PDE6D: variants seen among roughly 807,000 people sequenced by gnomAD.
PDE6D encodes phosphodiesterase 6D.
Under a neutral mutation model 21.9 loss-of-function variants are expected in PDE6D, and 10 were observed. The observed-to-expected ratio is 0.46, with a 90% confidence interval of 0.28 to 0.78. PDE6D has a LOEUF of 0.78. Among genes scored for constraint, PDE6D ranks in the 30% least tolerant of loss-of-function variants. The pLI is 0.12. For synonymous variants in PDE6D, 59 were observed against 63.5 expected (o/e 0.93, Z 0.34); for missense variants, 139 against 184.8 (o/e 0.75, Z 1.44).
chr2:231,773,930 CATT>C (rs567039985), intron 1 of PDE6D, among the ~76,000 whole-genome samples: 34 of 151,378 alleles, frequency 2.2e-4, no homozygotes, highest in Admixed American at 1.2e-3. Flanking sequence ...ACACTATTGT[CATT>C]ATTATTATTA....
intron 1 of PDE6D, among the ~76,000 whole-genome samples, chr2:231,750,788 G>C (rs77215691): frequency 0.02 from 2,965 of 150,790 alleles, 55 homozygotes; most frequent in Non-Finnish European, 0.032. Context: ...AATTACAGGA[G>C]TGAGCCACCA....
intron 1 of PDE6D, among the ~76,000 whole-genome samples, chr2:231,759,154 T>C (rs62197249): frequency 2.0e-5 from 3 of 151,278 alleles, no homozygotes; most frequent in African/African-American, 7.3e-5. Context: ...AGCATCTCTA[T>C]TAAAAAAAAA....
At chr2:231,766,993 CAAAA>C (rs3038045) in intron 1 of PDE6D, among the ~76,000 whole-genome samples, 29 of 36,672 alleles carry the variant, frequency 7.9e-4, no homozygotes, top group Non-Finnish European at 1.1e-3. Flanking sequence ...GACTCCGTCT[CAAAA>C]AAAAAAAAAA....
In PDE6D at chr2:231,769,891, C is replaced by T. The variant is rs139713029; in HGVS notation, c.50+11174G>A. 5.3e-4 allele frequency among the ~76,000 whole-genome samples: 80 copies of T among 152,314 alleles called. 1 individual carries two copies. The Middle Eastern group carries it at 0.024, about 45-fold the overall frequency. ...AATAACACTCTGTAACAGGAACCCTCGAGTTGGTTCTATAAGCTACCCACA... is the reference window on the plus strand; with the variant it reads ...AATAACACTCTGTAACAGGAACCCTTGAGTTGGTTCTATAAGCTACCCACA... On this transcript the variant is annotated intron_variant, in intron 1 of 4. Transcript: ENST00000287600.
intron 1 of PDE6D, among the ~76,000 whole-genome samples, chr2:231,755,250 G>A (rs1371769698): frequency 7.2e-6 from 1 of 139,484 alleles, no homozygotes. Flanking sequence ...ACAGCAGCCC[G>A]AAATGACAGA....
At chr2:231,737,914 A>G in intron 3 of PDE6D, 99 bp downstream of exon 3, 1 of 1,158,966 alleles carries the variant, frequency 8.6e-7, no homozygotes, top group East Asian at 2.4e-5. Context: ...GAGTTGTAAA[A>G]GGAATGTTAT....
intron 1 of PDE6D, among the ~76,000 whole-genome samples, chr2:231,752,831 G>GTTTTTTTTTT (rs778027978): frequency 1.7e-5 from 2 of 119,298 alleles, no homozygotes; most frequent in Non-Finnish European, 3.4e-5. Context: ...AGAGATTTGA[G>GTTTTTTTTTT]TTTTTTTTTT....
intron 1 of PDE6D, among the ~76,000 whole-genome samples, chr2:231,743,445 AAAAAG>A (rs2048766944): frequency 1.3e-5 from 2 of 151,996 alleles, no homozygotes; most frequent in East Asian, 1.9e-4. Flanking sequence ...AAAAAAAAAA[AAAAAG>A]AAAAGTCTCA....
intron 1 of PDE6D, among the ~76,000 whole-genome samples, chr2:231,743,812 C>T (rs1318198324): frequency 3.3e-5 from 5 of 152,098 alleles, no homozygotes; most frequent in African/African-American, 1.2e-4. Context: ...TCACACATCC[C>T]AGGGTCTCTA....
intron 1 of PDE6D, chr2:231,779,120 C>T (rs1324500124): frequency 6.6e-6 from 1 of 152,166 alleles, no homozygotes; most frequent in Non-Finnish European, 1.5e-5. Flanking sequence ...TAAAGGCTAC[C>T]AGAGGATGAG....
chr2:231,747,106 T>C (rs1307791201), intron 1 of PDE6D, among the ~76,000 whole-genome samples: 1 of 152,196 alleles, frequency 6.6e-6, no homozygotes, highest in African/African-American at 2.4e-5. Flanking sequence ...TTTTTTCTTT[T>C]GAGATGGAGT....
chr2:231,756,429 C>A (rs1171775494), intron 1 of PDE6D, among the ~76,000 whole-genome samples: 2 of 152,052 alleles, frequency 1.3e-5, no homozygotes, highest in Admixed American at 6.6e-5. Flanking sequence ...CAATTCCAAC[C>A]AAATCAATGG....
At chr2:231,748,975 C>A (rs1097850) in intron 1 of PDE6D, among the ~76,000 whole-genome samples, 39,098 of 152,090 alleles carry the variant, frequency 0.26, 5,240 homozygotes, top group Non-Finnish European at 0.31. Flanking sequence ...GCAGGGCCCT[C>A]ATAAAGCGCC....
chr2:231,772,414 T>C (rs1196049613), intron 1 of PDE6D, among the ~76,000 whole-genome samples: 1 of 152,204 alleles, frequency 6.6e-6, no homozygotes, highest in African/African-American at 2.4e-5. Context: ...AGAAATATAT[T>C]TGCTTTTCTT....
chr2:231,745,825 T>C (rs2048789727), intron 1 of PDE6D, among the ~76,000 whole-genome samples: 1 of 152,086 alleles, frequency 6.6e-6, no homozygotes, highest in African/African-American at 2.4e-5. Context: ...CCTGGTGTGA[T>C]TTAGGTGCAG....
In PDE6D at chr2:231,772,337, G is replaced by A. The variant is rs556349568; in HGVS notation, c.50+8728C>T. On this transcript the variant is annotated intron_variant, in intron 1 of 4. Coordinates refer to ENST00000287600, the MANE Select transcript of PDE6D (RefSeq NM_002601.4). Reference sequence around the variant, plus strand: ...TCATGTGTCCTACGGTGAGACCATCGCCTTCTTTGCCATAAACAGTAAGCT... The same window carrying A: ...TCATGTGTCCTACGGTGAGACCATCACCTTCTTTGCCATAAACAGTAAGCT... 7.9e-5 allele frequency among the ~76,000 whole-genome samples: 12 copies of A among 152,222 alleles called. 1 individual carries two copies. In the South Asian group the frequency reaches 2.1e-3, roughly 26 times the overall value.
At chr2:231,745,846 G>C (rs889365734) in intron 1 of PDE6D, among the ~76,000 whole-genome samples, 2 of 152,150 alleles carry the variant, frequency 1.3e-5, no homozygotes, top group Non-Finnish European at 2.9e-5. Context: ...TCTGGTGCTG[G>C]AGCTGGGGGC....
intron 1 of PDE6D, among the ~76,000 whole-genome samples, chr2:231,758,623 T>A (rs2048902212): frequency 6.6e-6 from 1 of 152,196 alleles, no homozygotes; most frequent in African/African-American, 2.4e-5. Flanking sequence ...CATCAGTATT[T>A]TTCACAGTTC....
At chr2:231,771,897 T>C (rs2106286190) in intron 1 of PDE6D, among the ~76,000 whole-genome samples, 1 of 152,354 alleles carries the variant, frequency 6.6e-6, no homozygotes, top group South Asian at 2.1e-4. Context: ...AGTATTTCTG[T>C]AGATCATCTA....
Sources: allele counts gnomAD v4.1 joint callset (sites outside exome capture counted in the v4.1 genomes callset), GRCh38; gene constraint gnomAD v4.1.1; transcripts MANE v1.5; gene names NCBI Gene and HGNC (gene_info 2026-07-23, HGNC 2026-07-21).